GABRR3: variants seen among roughly 807,000 people sequenced by gnomAD.
GABRR3 encodes gamma-aminobutyric acid receptor subunit rho-3.
Under a neutral mutation model 43.2 loss-of-function variants are expected in GABRR3, and 29 were observed. That is an observed-to-expected ratio of 0.67 (90% CI 0.50 to 0.92). The LOEUF is 0.92. Among genes scored for constraint, GABRR3 ranks in the 40% least tolerant of loss-of-function variants. The probability of loss-of-function intolerance (pLI) is 0.00; values close to 1 mark genes in which losing one functional copy is unlikely to be tolerated. For missense variants in GABRR3, 576 were observed against 572.3 expected (o/e 1.01, Z -0.07); for synonymous variants, 206 against 195.9 (o/e 1.05, Z -0.43).
chr3:98,020,289 C>T (rs552042019), intron 3 of GABRR3, among the ~76,000 whole-genome samples: 1 of 152,098 alleles, frequency 6.6e-6, no homozygotes, highest in Admixed American at 6.6e-5. Context: ...CTTGGAGACT[C>T]ATTTGAGGAC....
At chr3:98,025,356 A>T (rs1706997327) in intron 3 of GABRR3, among the ~76,000 whole-genome samples, 1 of 152,250 alleles carries the variant, frequency 6.6e-6, no homozygotes, top group African/African-American at 2.4e-5. Flanking sequence ...TATTTACTAC[A>T]GTGTGCATAG....
In GABRR3 at chr3:98,017,635, T is replaced by A; in HGVS notation, c.306+20A>T. ...TTCTGTCTTTTCAGAAAAAGAGCAA[T>A]ATCCCATGAAGAAACTTACCATGTT... On this transcript the variant is annotated intron_variant, in intron 4 of 9. Transcript: ENST00000621172. 1 of 1,584,408 alleles carries A rather than the reference T, an allele frequency of 6.3e-7. No homozygotes were observed. The highest frequency in any genetic ancestry group is 8.6e-7 in the Non-Finnish European group (1 of 1,157,856).
intron 7 of GABRR3, 69 bp from the exon 8 acceptor site, chr3:98,001,836 A>G (rs1238373031): frequency 1.3e-6 from 2 of 1,555,368 alleles, no homozygotes; most frequent in Non-Finnish European, 1.8e-6. Flanking sequence ...TAGTGAAATG[A>G]CCTGCTTCTT....
At chr3:97,996,669 G>A (rs1706563278) in intron 8 of GABRR3, among the ~76,000 whole-genome samples, 1 of 152,168 alleles carries the variant, frequency 6.6e-6, no homozygotes, top group African/African-American at 2.4e-5. Flanking sequence ...AGAGGAGAAA[G>A]TATAATATTT....
chr3:97,990,397 C>T (rs1706449032), intron 9 of GABRR3, among the ~76,000 whole-genome samples: 1 of 151,750 alleles, frequency 6.6e-6, no homozygotes, highest in African/African-American at 2.4e-5. Flanking sequence ...GGCTGGAGAG[C>T]AGTGGCAGTG....
At chr3:97,995,190 T>A (rs1706519901) in intron 8 of GABRR3, among the ~76,000 whole-genome samples, 1 of 152,174 alleles carries the variant, frequency 6.6e-6, no homozygotes, top group South Asian at 2.1e-4. Context: ...TTGATTAGGC[T>A]GGTCTCAAAA....
chr3:98,024,548 G>C (rs966160967), intron 3 of GABRR3, among the ~76,000 whole-genome samples: 2 of 151,964 alleles, frequency 1.3e-5, no homozygotes, highest in African/African-American at 4.8e-5. Flanking sequence ...TGCTTCCCTT[G>C]GTCATAACCA....
chr3:97,999,522 A>AT (rs1192014868), intron 8 of GABRR3: 1 of 152,154 alleles, frequency 6.6e-6, no homozygotes, highest in African/African-American at 2.4e-5. Flanking sequence ...AGTTTGTTCC[A>AT]TTTGATAAGA....
chr3:98,029,578 A>C (rs1029645627), intron 2 of GABRR3, among the ~76,000 whole-genome samples: 2 of 152,172 alleles, frequency 1.3e-5, no homozygotes, highest in Non-Finnish European at 2.9e-5. Flanking sequence ...CTGCCTTATA[A>C]AACTGCTTTC....
Position 97,986,822 on chromosome 3 carries a change from A to G in GABRR3, c.1265T>C (p.Ile422Thr), listed in dbSNP as rs1397334671. ...TCCTCCTAGGGATTTTCTTCTCTTTATCCGAGATGAATCGGTGCTGGGGCT... is the reference window on the plus strand; with the variant it reads ...TCCTCCTAGGGATTTTCTTCTCTTTGTCCGAGATGAATCGGTGCTGGGGCT... Residue 422 changes from isoleucine to threonine, a missense_variant, in exon 10 of 10, where the codon ATA becomes ACA. Ile to Thr is a moderately conservative substitution (Grantham distance 89). Transcript: ENST00000621172. 4 of 1,612,720 alleles carry G rather than the reference A, an allele frequency of 2.5e-6. No individual in the cohort carries two copies. Among genetic ancestry groups the G allele is most frequent in the Non-Finnish European group, 2.5e-6 (3 of 1,179,330 alleles).
intron 8 of GABRR3, among the ~76,000 whole-genome samples, chr3:97,993,416 C>T (rs1468531470): frequency 1.3e-5 from 2 of 152,136 alleles, no homozygotes; most frequent in Non-Finnish European, 2.9e-5. Flanking sequence ...TTTCCTCTAA[C>T]CTTTCCCATT....
downstream of GABRR3, chr3:97,986,580 C>T (rs1039269694): frequency 1.2e-5 from 9 of 752,072 alleles, no homozygotes; most frequent in Non-Finnish European, 1.7e-5. Context: ...GGAGAGGTGA[C>T]TTGCTCTTTC....
downstream of GABRR3, among the ~76,000 whole-genome samples, chr3:97,986,117 C>T (rs1197154653): frequency 3.3e-5 from 5 of 152,114 alleles, no homozygotes; most frequent in Admixed American, 1.3e-4. Context: ...CTGCACACCT[C>T]GGCCTCCCAA....
At chr3:98,023,683 G>GA (rs11413515) in intron 3 of GABRR3, among the ~76,000 whole-genome samples, 119,640 of 151,956 alleles carry the variant, frequency 0.79, 47,379 homozygotes, top group East Asian at 0.99. Context: ...AGTCTCAGAA[G>GA]AAAAAAAGAG....
chr3:97,985,591 G>A (rs893874314), downstream of GABRR3, among the ~76,000 whole-genome samples: 2 of 152,136 alleles, frequency 1.3e-5, no homozygotes, highest in African/African-American at 4.8e-5. Context: ...AGGCAGGAAC[G>A]CTATTTCATA....
exon 9 of GABRR3, chr3:97,993,005 C>T (rs1706490470): frequency 6.2e-7 from 1 of 1,612,694 alleles, no homozygotes; most frequent in East Asian, 2.2e-5. Context: ...TGGAGGCGCT[C>T]ACAGCAGTGA....
intron 2 of GABRR3, among the ~76,000 whole-genome samples, chr3:98,029,758 C>G (rs1440084060): frequency 2.0e-5 from 3 of 152,066 alleles, no homozygotes; most frequent in Non-Finnish European, 4.4e-5. Flanking sequence ...GAAGCCATAA[C>G]TGTCATTTTA....
chr3:98,012,759 C>A (rs1239515611), intron 4 of GABRR3, among the ~76,000 whole-genome samples, 192 bp from the exon 5 acceptor site: 1 of 151,978 alleles, frequency 6.6e-6, no homozygotes, highest in Non-Finnish European at 1.5e-5. Context: ...TCACATGGAG[C>A]CTAGTGAACG....
At chr3:98,007,841 T>C (rs1002340840) in exon 7 of GABRR3, 2 of 1,611,856 alleles carry the variant, frequency 1.2e-6, no homozygotes, top group Non-Finnish European at 1.7e-6. Context: ...CATATGTTCT[T>C]CAGTATTTAA....
Sources: allele counts gnomAD v4.1 joint callset (sites outside exome capture counted in the v4.1 genomes callset), GRCh38; gene constraint gnomAD v4.1.1; transcripts MANE v1.5; gene names NCBI Gene and HGNC (gene_info 2026-07-23, HGNC 2026-07-21).